Variants in ANKRD62 observed in about 807,000 individuals in gnomAD.
ANKRD62 encodes ankyrin repeat domain-containing protein 62.
In ANKRD62, 61 loss-of-function variants were observed where a neutral mutation model predicts 98.8. The ratio of observed to expected loss-of-function variants is 0.62; its 90% CI spans 0.50 to 0.76. ANKRD62 has a LOEUF of 0.76. Ranked by LOEUF, ANKRD62 falls within the 30% of genes least tolerant of loss-of-function variation. The probability of loss-of-function intolerance (pLI) is 0.00; values close to 1 mark genes in which losing one functional copy is unlikely to be tolerated. For missense variants in ANKRD62, 933 were observed against 1,082.9 expected, an observed-to-expected ratio of 0.86 and a Z score of 1.94; for synonymous variants, 341 against 367.9, an observed-to-expected ratio of 0.93 and a Z score of 0.84.
chr18:12,146,448 G>A, the ANKRD62 span, among the ~76,000 whole-genome samples: 91 of 152,188 alleles, frequency 6.0e-4, no homozygotes, highest in Non-Finnish European at 9.6e-4. Context: ...TTTTTGGGGG[G>A]GCGTGTGTGT....
chr18:12,102,458 C>T, intron 6 of ANKRD62: 1 of 447,322 alleles, frequency 2.2e-6, no homozygotes, highest in Non-Finnish European at 4.3e-6. Flanking sequence ...ACTCAGTCTC[C>T]AGAGAACCGC....
At chr18:12,123,007 A>C (rs1291867155) in intron 11 of ANKRD62, among the ~76,000 whole-genome samples, 3 of 148,666 alleles carry the variant, frequency 2.0e-5, no homozygotes, top group Non-Finnish European at 4.5e-5. Context: ...CTCCACCCAG[A>C]GTAATTATTT....
the ANKRD62 span, among the ~76,000 whole-genome samples, chr18:12,139,498 G>T: frequency 6.3e-3 from 958 of 152,038 alleles, 8 homozygotes; most frequent in Non-Finnish European, 9.5e-3. Context: ...CTGAAAAAAT[G>T]AGCCGGACGT....
At chr18:12,174,982 C>T in the ANKRD62 span, among the ~76,000 whole-genome samples, 1 of 152,274 alleles carries the variant, frequency 6.6e-6, no homozygotes, top group Non-Finnish European at 1.5e-5. Context: ...GTGCCAGCAG[C>T]AGCAGTAGCA....
intron 10 of ANKRD62, among the ~76,000 whole-genome samples, chr18:12,116,689 G>A (rs914132520): frequency 2.0e-5 from 3 of 152,198 alleles, no homozygotes; most frequent in Middle Eastern, 3.4e-3. Context: ...TCTTTGTTGT[G>A]TTTTGCTTAT....
chr18:12,124,006 C>T (rs1213060607), intron 11 of ANKRD62, 131 bp from the exon 12 acceptor site: 4 of 485,596 alleles, frequency 8.2e-6, no homozygotes, highest in South Asian at 3.2e-5. Flanking sequence ...TGGAAGACAT[C>T]GAAGTGAGAA....
At chr18:12,152,177 CAAAAAAAAA>C in the ANKRD62 span, among the ~76,000 whole-genome samples, 2 of 68,256 alleles carry the variant, frequency 2.9e-5, no homozygotes, top group Non-Finnish European at 5.5e-5. Flanking sequence ...GAAATGCTTC[CAAAAAAAAA>C]AAAAAAAAAA....
chr18:12,135,105 A>G, the ANKRD62 span, among the ~76,000 whole-genome samples: 1 of 150,388 alleles, frequency 6.6e-6, no homozygotes, highest in Non-Finnish European at 1.5e-5. Flanking sequence ...GGTGTGTTAC[A>G]TATGTATACG....
In ANKRD62 at chr18:12,128,228, C is replaced by T. The variant is rs1326292721; in HGVS notation, c.*289C>T. Reference sequence around the variant, plus strand: ...CACGTGGAGACAAGCCAGATTAATTCAGAGGATAATGTCTAATGGAATGTT... The same window carrying T: ...CACGTGGAGACAAGCCAGATTAATTTAGAGGATAATGTCTAATGGAATGTT... On this transcript the variant is annotated 3_prime_UTR_variant, in exon 14 of 14. Coordinates refer to ENST00000587848, the MANE Select transcript of ANKRD62 (RefSeq NM_001277333.2). 5.8e-6 allele frequency: 1 copy of T among 171,276 alleles called. No individual in the cohort carries two copies. Among genetic ancestry groups the T allele is most frequent in the Non-Finnish European group, 1.2e-5 (1 of 81,388 alleles). The allele number at this position is 171,276 out of a possible 1,614,324, so 10.6% of individuals were successfully genotyped here.
At chr18:12,164,331 A>G in the ANKRD62 span, among the ~76,000 whole-genome samples, 1 of 151,910 alleles carries the variant, frequency 6.6e-6, no homozygotes, top group African/African-American at 2.4e-5. Flanking sequence ...TTTCTGTAGT[A>G]TTAGTTGTAA....
chr18:12,163,511 G>T, the ANKRD62 span, among the ~76,000 whole-genome samples: 1 of 151,982 alleles, frequency 6.6e-6, no homozygotes, highest in African/African-American at 2.4e-5. Flanking sequence ...TCTTTCTTTT[G>T]TCTGATTGTT....
At chr18:12,115,698 C>G (rs1282419029) in intron 10 of ANKRD62, among the ~76,000 whole-genome samples, 164 bp downstream of exon 10, 1 of 152,114 alleles carries the variant, frequency 6.6e-6, no homozygotes, top group African/African-American at 2.4e-5. Flanking sequence ...CTTGTATACT[C>G]TTAGCCAAAG....
chr18:12,177,619 T>C, the ANKRD62 span, among the ~76,000 whole-genome samples: 3 of 151,946 alleles, frequency 2.0e-5, no homozygotes, highest in African/African-American at 7.3e-5. Flanking sequence ...GACTTTGCTG[T>C]AGCCCAGCCA....
chr18:12,158,424 C>G, the ANKRD62 span, among the ~76,000 whole-genome samples: 5 of 152,228 alleles, frequency 3.3e-5, no homozygotes, highest in African/African-American at 4.8e-5. Context: ...TTATTTTAAA[C>G]AATCTCTTCC....
Position 12,122,133 on chromosome 18 carries a change from G to A in ANKRD62, c.1241-170G>A, listed in dbSNP as rs375693886. ...CTTGAAGCTAAACAAGATCAGATGT[G>A]TTGTCTGTTTTATCTGAAGAGCTTT... On this transcript the variant is annotated intron_variant, in intron 10 of 13. Coordinates refer to ENST00000587848, the MANE Select transcript of ANKRD62 (RefSeq NM_001277333.2). Among the ~76,000 whole-genome samples, 9 of 152,310 alleles carry A rather than the reference G, an allele frequency of 5.9e-5. No individual in the cohort carries two copies. The East Asian group carries it at 1.5e-3, about 26-fold the overall frequency.
rs1909869692 is a variant in ANKRD62, at chr18:12,125,532, C to T, written c.1711C>T (p.Leu571Phe). Residue 571 changes from leucine (L) to phenylalanine (F), a missense_variant, in exon 13 of 14, where the codon CTC (leucine) becomes TTC (phenylalanine). Leu to Phe is a conservative substitution (Grantham distance 22). Around this residue, in one of 3 missense-constraint regions of ANKRD62, gnomAD observed 362 missense variants for 434.5 expected, o/e 0.83. Transcript: ENST00000587848. ...CTTGATGCGGGATGAAATTGCCAGA[C>T]TCAGGCTGGAAATAGACACAATAAA... ...NHLMRDEIAR[L>F]RLEIDTIKHQ... 6.6e-7 allele frequency: 1 copy of T among 1,510,440 alleles called. No individual in the cohort carries two copies. The highest frequency in any genetic ancestry group is 8.8e-7 in the Non-Finnish European group (1 of 1,138,592). The allele number at this position is 1,510,440 out of a possible 1,614,324, so 93.6% of individuals were successfully genotyped here. A position where few individuals can be genotyped will look rare whatever the true frequency, so the allele number is the denominator to read the frequency against.
In ANKRD62 at chr18:12,125,544, A is replaced by T; in HGVS notation, c.1723A>T (p.Ile575Leu). 6.6e-7 allele frequency: 1 copy of T among 1,522,920 alleles called. No homozygotes were observed. The allele number at this position is 1,522,920 out of a possible 1,614,324, so 94.3% of individuals were successfully genotyped here. A position where few individuals can be genotyped will look rare whatever the true frequency, so the allele number is the denominator to read the frequency against. ...RDEIARLRLE[I>L]DTIKHQNQET... ...TGAAATTGCCAGACTCAGGCTGGAA[A>T]TAGACACAATAAAACATCAGAACCA... The change falls in exon 13 of 14, where the codon ATA becomes TTA. Residue 575 changes from isoleucine (I) to leucine (L), a missense_variant. Ile to Leu is a conservative substitution (Grantham distance 5). Around this residue, in one of 3 missense-constraint regions of ANKRD62, gnomAD observed 362 missense variants for 434.5 expected, o/e 0.83. Transcript: ENST00000587848.
Position 12,099,599 on chromosome 18 carries a change from G to T in ANKRD62, c.753-16G>T. 1 of 1,446,754 alleles carries T rather than the reference G, an allele frequency of 6.9e-7. No homozygotes were observed. The highest frequency in any genetic ancestry group is 9.1e-7 in the Non-Finnish European group (1 of 1,092,994). 89.6% of individuals were successfully genotyped at this position (1,446,754 alleles called of 1,614,324 possible). ...TATTAAAATAGTAATTGTATTTACT[G>T]CATTTTGATACATAGCATTCGTGGA... is the stretch of plus-strand genomic sequence containing the variant. On this transcript the variant is annotated splice_polypyrimidine_tract_variant and intron_variant, in intron 5 of 13. Coordinates refer to ENST00000587848, the MANE Select transcript of ANKRD62 (RefSeq NM_001277333.2).
At chr18:12,126,472 G>A (rs937617841) in intron 13 of ANKRD62, 89 bp downstream of exon 13, 84 of 1,091,780 alleles carry the variant, frequency 7.7e-5, no homozygotes, top group Non-Finnish European at 9.5e-5. Context: ...GAATCTAGTT[G>A]AATATCAAAA....
Sources: gnomAD v4.1 joint callset for allele counts (sites outside exome capture counted in the v4.1 genomes callset) on GRCh38, gnomAD v4.1.1 for gene constraint, gnomAD v4.1.1 regional missense constraint, MANE v1.5 for transcripts, NCBI Gene and HGNC (gene_info 2026-07-23, HGNC 2026-07-21) for gene names.